Variants in SARNP observed in about 807,000 individuals in gnomAD.
SARNP encodes the protein SAP domain-containing ribonucleoprotein.
A neutral mutation model predicts 38.1 loss-of-function variants in SARNP; 5 were observed. The observed-to-expected ratio is 0.13, with a 90% confidence interval of 0.07 to 0.28. The LOEUF is 0.28. Ranked by LOEUF, SARNP falls within the 10% of genes least tolerant of loss-of-function variation. SARNP has a pLI of 1.00. For missense variants in SARNP, 180 were observed against 243.9 expected, an observed-to-expected ratio of 0.74 and a Z score of 1.75; for synonymous variants, 84 against 80.6, an observed-to-expected ratio of 1.04 and a Z score of -0.23.
chr12:55,770,936 C>CTT lies in SARNP; in HGVS notation c.502-10298_502-10297dup, dbSNP rs376573673. ...GTTGAAAGCATTCACCTTCTTCAATCTTTTTTTTTTTTTTTTTTAACAGAG... is the reference window on the plus strand; with the variant it reads ...GTTGAAAGCATTCACCTTCTTCAATCTTTTTTTTTTTTTTTTTTTTAACAGAG... On this transcript the variant is annotated intron_variant, in intron 9 of 10. Coordinates refer to ENST00000336133, the MANE Select transcript of SARNP (RefSeq NM_033082.4). Among the ~76,000 whole-genome samples the CTT allele has an allele frequency of 6.6e-5, 9 of 135,488 alleles. No individual in the cohort carries two copies. The South Asian group carries it at 9.6e-4, about 14-fold the overall frequency. 88.9% of individuals were successfully genotyped at this position (135,488 alleles called of 152,430 possible). A position where few individuals can be genotyped will look rare whatever the true frequency, so the allele number is the denominator to read the frequency against.
At chr12:55,803,779 T>G in intron 1 of SARNP, 51 bp from the exon 2 acceptor site, 1 of 1,200,452 alleles carries the variant, frequency 8.3e-7, no homozygotes, top group Non-Finnish European at 1.2e-6. Flanking sequence ...TGAACACCAG[T>G]GAATAAAATG....
Position 55,757,338 on chromosome 12 carries a change from T to A in SARNP, c.*174A>T. On this transcript the variant is annotated 3_prime_UTR_variant, in exon 11 of 11. Transcript: ENST00000336133. ...AACAAAAACACAACAACCTTAAAGC[T>A]GAAACAGCAATAAGTCAAACTGCTG... 2.3e-6 allele frequency: 1 copy of A among 442,026 alleles called. No homozygotes were observed. Among genetic ancestry groups the A allele is most frequent in the Non-Finnish European group, 4.0e-6 (1 of 248,586 alleles). The allele number at this position is 442,026 out of a possible 1,614,324, so 27.4% of individuals were successfully genotyped here.
chr12:55,794,690 A>G, intron 6 of SARNP, 117 bp downstream of exon 6: 2 of 687,066 alleles, frequency 2.9e-6, no homozygotes, highest in South Asian at 1.8e-5. Context: ...AAGTGTTCAT[A>G]TCCTTCAGCA....
At chr12:55,760,692 G>A in intron 9 of SARNP, 52 bp from the exon 10 acceptor site, 2 of 1,208,354 alleles carry the variant, frequency 1.7e-6, no homozygotes, top group Non-Finnish European at 2.5e-6. Flanking sequence ...CATTCACCAA[G>A]TAAATGGGAA....
chr12:55,797,570 T>G (rs1025940888), intron 4 of SARNP, among the ~76,000 whole-genome samples: 7 of 152,200 alleles, frequency 4.6e-5, no homozygotes, highest in African/African-American at 1.7e-4. Context: ...AAGAAAGTAG[T>G]ACTCTCCATC....
chr12:55,765,287 T>C (rs1878795134), intron 9 of SARNP, among the ~76,000 whole-genome samples: 1 of 152,144 alleles, frequency 6.6e-6, no homozygotes, highest in Non-Finnish European at 1.5e-5. Flanking sequence ...CTTCTCCTGG[T>C]TCTTTATTTG....
At chr12:55,807,008 A>T (rs1029968369) in intron 1 of SARNP, among the ~76,000 whole-genome samples, 8 of 151,900 alleles carry the variant, frequency 5.3e-5, no homozygotes, top group African/African-American at 1.9e-4. Flanking sequence ...GCCCGGGCTG[A>T]ACTTAAACTC....
chr12:55,781,535 A>G (rs1879340849), intron 9 of SARNP, among the ~76,000 whole-genome samples: 1 of 126,042 alleles, frequency 7.9e-6, no homozygotes, highest in Admixed American at 8.4e-5. Flanking sequence ...CTCCGTCTCA[A>G]AAAAAAAAAA....
chr12:55,811,965 A>C (rs988447659), intron 1 of SARNP, among the ~76,000 whole-genome samples: 1 of 152,200 alleles, frequency 6.6e-6, no homozygotes, highest in African/African-American at 2.4e-5. Flanking sequence ...GCCTCACTAT[A>C]GTTTATTCTC....
At chr12:55,766,154 G>A (rs1298025230) in intron 9 of SARNP, among the ~76,000 whole-genome samples, 2 of 152,088 alleles carry the variant, frequency 1.3e-5, no homozygotes, top group Admixed American at 1.3e-4. Flanking sequence ...ACATGCATTT[G>A]AAAACCTTTC....
chr12:55,768,784 C>G (rs534758048), intron 9 of SARNP, among the ~76,000 whole-genome samples: 4 of 152,106 alleles, frequency 2.6e-5, no homozygotes, highest in Non-Finnish European at 5.9e-5. Context: ...AGTGCAATGG[C>G]ACGATCTCGG....
At chr12:55,760,511 T>C (rs756911377) in intron 10 of SARNP, 40 bp downstream of exon 10, 1 of 1,072,608 alleles carries the variant, frequency 9.3e-7, no homozygotes, top group Admixed American at 1.7e-5. Context: ...CACTCTAATT[T>C]CCCTTCAAGG....
At chr12:55,815,826 A>C (rs1254671530) in intron 1 of SARNP, 2 of 152,218 alleles carry the variant, frequency 1.3e-5, no homozygotes, top group East Asian at 1.9e-4. Flanking sequence ...AGTTTTATGA[A>C]GCCCCTCAAA....
chr12:55,776,333 GA>G (rs1879180316), intron 9 of SARNP, among the ~76,000 whole-genome samples: 2 of 152,206 alleles, frequency 1.3e-5, no homozygotes, highest in Non-Finnish European at 1.5e-5. Context: ...ACTTGTTGGG[GA>G]TGAGGTGGGA....
In SARNP at chr12:55,811,600, CAAA is replaced by C. The variant is rs773500835; in HGVS notation, c.36+6063_36+6065del. ...ACAAACAAACAAACAAACAAACAAA[CAAA>C]CAAACCACAGCTTGTAAATAGTAGA... is the stretch of plus-strand genomic sequence containing the variant. On this transcript the variant is annotated intron_variant, in intron 1 of 10. Coordinates refer to ENST00000336133, the MANE Select transcript of SARNP (RefSeq NM_033082.4). 3.6e-3 allele frequency among the ~76,000 whole-genome samples: 548 copies of C among 152,118 alleles called. 3 individuals are homozygous for C. Among genetic ancestry groups the C allele is most frequent in the East Asian group, 0.018 (95 of 5,168 alleles).
At chr12:55,780,184 G>A (rs140604071) in intron 9 of SARNP, among the ~76,000 whole-genome samples, 1,727 of 152,018 alleles carry the variant, frequency 0.011, 37 homozygotes, top group African/African-American at 0.038. Flanking sequence ...CGGGCACAGT[G>A]GCTCATGCCT....
At chr12:55,761,113 T>G (rs1413351989) in intron 9 of SARNP, among the ~76,000 whole-genome samples, 1 of 151,892 alleles carries the variant, frequency 6.6e-6, no homozygotes, top group African/African-American at 2.4e-5. Flanking sequence ...GAGGCAGAAG[T>G]TGCACTGAGC....
At chr12:55,805,571 G>A (rs1035197022) in intron 1 of SARNP, among the ~76,000 whole-genome samples, 1 of 152,326 alleles carries the variant, frequency 6.6e-6, no homozygotes. Flanking sequence ...ACTAGACCAG[G>A]TGCGGTGGCT....
chr12:55,786,498 G>A (rs1879499651), intron 9 of SARNP, among the ~76,000 whole-genome samples: 1 of 152,188 alleles, frequency 6.6e-6, no homozygotes, highest in Admixed American at 6.5e-5. Context: ...TACCCAGGCT[G>A]GAGTACGGTG....
Sources: gnomAD v4.1 joint callset for allele counts (sites outside exome capture counted in the v4.1 genomes callset) on GRCh38, gnomAD v4.1.1 for gene constraint, MANE v1.5 for transcripts, NCBI Gene and HGNC (gene_info 2026-07-23, HGNC 2026-07-21) for gene names.